The following PTPRT variants were observed in gnomAD, a reference collection of about 807,000 sequenced individuals.
PTPRT encodes the protein protein tyrosine phosphatase receptor type T.
Under a neutral mutation model 176.8 loss-of-function variants are expected in PTPRT, and 56 were observed. That is an observed-to-expected ratio of 0.32 (90% CI 0.26 to 0.40). The LOEUF (loss-of-function observed/expected upper bound fraction) is 0.40. Among genes scored for constraint, PTPRT ranks in the 10% least tolerant of loss-of-function variants. The pLI is 1.00. For synonymous variants in PTPRT, 783 were observed against 739.0 expected (o/e 1.06, Z -0.96); for missense variants, 1,540 against 1,908.2 (o/e 0.81, Z 3.60).
At chr20:42,613,829 A>G (rs1328137748) in intron 7 of PTPRT, among the ~76,000 whole-genome samples, 1 of 151,798 alleles carries the variant, frequency 6.6e-6, no homozygotes, top group Non-Finnish European at 1.5e-5. Flanking sequence ...ATATTTCTTG[A>G]GCTATCTCTT....
At chr20:43,180,081 G>A (rs1294354710) in intron 1 of PTPRT, among the ~76,000 whole-genome samples, 1 of 152,172 alleles carries the variant, frequency 6.6e-6, no homozygotes, top group Non-Finnish European at 1.5e-5. Context: ...ATCCACTGGG[G>A]GCCCGAACAG....
intron 16 of PTPRT, among the ~76,000 whole-genome samples, chr20:42,183,756 C>T (rs560985354): frequency 6.6e-6 from 1 of 152,202 alleles, no homozygotes; most frequent in East Asian, 1.9e-4. Flanking sequence ...CTCCTCTACT[C>T]CCTTAAATTT....
At chr20:42,034,721 G>A in the PTPRT span, among the ~76,000 whole-genome samples, 2 of 152,132 alleles carry the variant, frequency 1.3e-5, no homozygotes, top group African/African-American at 4.8e-5. Context: ...ATTAACTTAG[G>A]TAGTTTAAAT....
intron 7 of PTPRT, among the ~76,000 whole-genome samples, chr20:42,592,051 C>T (rs546034146): frequency 6.8e-6 from 1 of 146,374 alleles, no homozygotes; most frequent in African/African-American, 2.6e-5. Flanking sequence ...ACGATCTCAG[C>T]TCACTGCAAG....
At chr20:42,682,784 G>A (rs2075625080) in intron 6 of PTPRT, among the ~76,000 whole-genome samples, 1 of 152,174 alleles carries the variant, frequency 6.6e-6, no homozygotes, top group South Asian at 2.1e-4. Flanking sequence ...AGATGGTGAA[G>A]TGACCCCTTC....
chr20:43,106,712 G>A (rs1442431412), intron 1 of PTPRT, among the ~76,000 whole-genome samples: 84 of 123,668 alleles, frequency 6.8e-4, no homozygotes, highest in Non-Finnish European at 1.0e-3. Context: ...AGGAAAGAAG[G>A]AAGGGAGGGA....
chr20:42,174,659 G>A (rs2146557877), intron 16 of PTPRT, among the ~76,000 whole-genome samples: 1 of 152,200 alleles, frequency 6.6e-6, no homozygotes, highest in South Asian at 2.1e-4. Context: ...ATATATTGAG[G>A]AAAACGGCAA....
intron 27 of PTPRT, among the ~76,000 whole-genome samples, chr20:42,093,919 C>T (rs113555983): frequency 1.7e-4 from 26 of 152,326 alleles, no homozygotes; most frequent in African/African-American, 4.6e-4. Context: ...ATTCATCTGC[C>T]GGTTTCAGGG....
intron 26 of PTPRT, 92 bp downstream of exon 26, chr20:42,102,032 G>T: frequency 6.9e-7 from 1 of 1,452,166 alleles, no homozygotes. Context: ...TGGCTGGTGG[G>T]GTCAGGGCCC....
intron 7 of PTPRT, among the ~76,000 whole-genome samples, chr20:42,605,718 G>A (rs1334386484): frequency 6.6e-6 from 1 of 152,214 alleles, no homozygotes; most frequent in Non-Finnish European, 1.5e-5. Flanking sequence ...GGATGCTGCT[G>A]TGGGGAGGAA....
At chr20:42,391,348 C>T (rs566900276) in intron 9 of PTPRT, among the ~76,000 whole-genome samples, 3 of 152,154 alleles carry the variant, frequency 2.0e-5, no homozygotes, top group Non-Finnish European at 4.4e-5. Context: ...GTCTGAAAAG[C>T]TGGAGGAGGA....
At chr20:42,541,631 C>G (rs1006545387) in intron 7 of PTPRT, among the ~76,000 whole-genome samples, 2 of 150,776 alleles carry the variant, frequency 1.3e-5, no homozygotes, top group Non-Finnish European at 1.5e-5. Flanking sequence ...GCAGCTGGAA[C>G]TATAGCTCAC....
At chr20:42,757,247 C>T (rs1219563442) in intron 5 of PTPRT, among the ~76,000 whole-genome samples, 1 of 152,118 alleles carries the variant, frequency 6.6e-6, no homozygotes, top group Non-Finnish European at 1.5e-5. Context: ...CCTTAACTTT[C>T]CTCCCTATTT....
intron 7 of PTPRT, among the ~76,000 whole-genome samples, chr20:42,622,843 G>C (rs898001798): frequency 1.1e-4 from 16 of 152,146 alleles, no homozygotes; most frequent in African/African-American, 3.4e-4. Flanking sequence ...GGCAGTTCCC[G>C]GGCAAAGGCC....
At chr20:42,778,530 C>T (rs557159566) in intron 4 of PTPRT, among the ~76,000 whole-genome samples, 1 of 152,270 alleles carries the variant, frequency 6.6e-6, no homozygotes, top group Admixed American at 6.5e-5. Flanking sequence ...GGCAAGCACG[C>T]TCTGAGTGGA....
At chr20:42,429,339 G>A (rs974168752) in intron 9 of PTPRT, among the ~76,000 whole-genome samples, 3 of 152,124 alleles carry the variant, frequency 2.0e-5, no homozygotes, top group Admixed American at 6.5e-5. Context: ...TGAGAGAATC[G>A]GGGCAGAGGT....
intron 13 of PTPRT, among the ~76,000 whole-genome samples, chr20:42,260,819 G>GA (rs34110023): frequency 6.6e-6 from 1 of 152,182 alleles, no homozygotes; most frequent in Non-Finnish European, 1.5e-5. Context: ...ACCAAGAAAG[G>GA]AAGGTTTAGA....
chr20:42,569,391 C>T lies in PTPRT; in HGVS notation c.1154-96829G>A, dbSNP rs370251878. 7.2e-5 allele frequency among the ~76,000 whole-genome samples: 11 copies of T among 151,932 alleles called. 1 individual carries two copies. Among genetic ancestry groups the T allele is most frequent in the South Asian group, 4.2e-4 (2 of 4,794 alleles). ...AAAGTGTACATCACAGAGTCCTGCA[C>T]GCAGTAGCTGCATAATAAATAATTG... On this transcript the variant is annotated intron_variant, in intron 7 of 30. Coordinates refer to ENST00000373187, the MANE Select transcript of PTPRT (RefSeq NM_007050.6).
intron 3 of PTPRT, among the ~76,000 whole-genome samples, chr20:42,781,082 G>T (rs892769960): frequency 6.6e-6 from 1 of 151,888 alleles, no homozygotes; most frequent in South Asian, 2.1e-4. Flanking sequence ...AGTCTCTACC[G>T]ACAGTCTCAT....
Sources: gnomAD v4.1 joint callset for allele counts (sites outside exome capture counted in the v4.1 genomes callset) on GRCh38, gnomAD v4.1.1 for gene constraint, MANE v1.5 for transcripts, NCBI Gene and HGNC (gene_info 2026-07-23, HGNC 2026-07-21) for gene names.